Variants in PTDSS1 observed in about 807,000 individuals in gnomAD.
PTDSS1 encodes phosphatidylserine synthase 1, also known as PSS-1.
Under a neutral mutation model 70.5 loss-of-function variants are expected in PTDSS1, and 45 were observed. The observed-to-expected ratio is 0.64, with a 90% confidence interval of 0.50 to 0.82. PTDSS1 has a LOEUF of 0.82. Among genes scored for constraint, PTDSS1 ranks in the 40% least tolerant of loss-of-function variants. The pLI is 0.00. For synonymous variants in PTDSS1, 188 were observed against 203.8 expected (o/e 0.92, Z 0.66); for missense variants, 417 against 586.1 (o/e 0.71, Z 2.98).
chr8:96,282,064 AT>A (rs1810746114), intron 2 of PTDSS1, among the ~76,000 whole-genome samples: 1 of 152,226 alleles, frequency 6.6e-6, no homozygotes, highest in South Asian at 2.1e-4. Context: ...ATAATAGGTC[AT>A]ACAGTTTTAG....
chr8:96,297,663 C>T (rs1810994427), intron 5 of PTDSS1, among the ~76,000 whole-genome samples: 1 of 152,156 alleles, frequency 6.6e-6, no homozygotes, highest in Non-Finnish European at 1.5e-5. Context: ...TGCCCTTCAC[C>T]TGCTAACAAG....
At chr8:96,289,589 T>G (rs1810872956) in intron 4 of PTDSS1, among the ~76,000 whole-genome samples, 1 of 152,232 alleles carries the variant, frequency 6.6e-6, no homozygotes, top group Admixed American at 6.5e-5. Context: ...TATACTATAA[T>G]GTGTTCTTTT....
Position 96,309,548 on chromosome 8 carries a change from T to A in PTDSS1, c.1008-9T>A. 6.2e-7 allele frequency: 1 copy of A among 1,612,370 alleles called. No individual in the cohort carries two copies. Among genetic ancestry groups the A allele is most frequent in the Non-Finnish European group, 8.5e-7 (1 of 1,178,620 alleles). The stretch of plus-strand genomic sequence containing the variant: ...CAGCTCTCAATGAATTCCAACTTTG[T>A]TCTTTCAGACAGTACTACGCTTACC... On this transcript the variant is annotated splice_polypyrimidine_tract_variant and intron_variant, in intron 8 of 12. Transcript: ENST00000517309.
At chr8:96,325,789 A>C (rs1441902514) in intron 10 of PTDSS1, among the ~76,000 whole-genome samples, 2 of 152,142 alleles carry the variant, frequency 1.3e-5, no homozygotes, top group African/African-American at 4.8e-5. Flanking sequence ...TCCCCACCTG[A>C]GTTAAAAAAT....
Sources: gnomAD v4.1 joint callset for allele counts (sites outside exome capture counted in the v4.1 genomes callset) on GRCh38, gnomAD v4.1.1 for gene constraint, MANE v1.5 for transcripts, NCBI Gene and HGNC (gene_info 2026-07-23, HGNC 2026-07-21) for gene names.